TC2N: variants seen among roughly 807,000 people sequenced by gnomAD.
TC2N encodes tandem C2 domains, nuclear, also known as tandem C2 domains nuclear protein.
Under a neutral mutation model 61.9 loss-of-function variants are expected in TC2N, and 51 were observed. The observed-to-expected ratio is 0.82, with a 90% CI of 0.66 to 1.04. The LOEUF is 1.04. TC2N is among the 50% of genes least tolerant of loss of function. The pLI is 0.00. For missense variants in TC2N, 556 were observed against 566.7 expected (o/e 0.98, Z 0.19); for synonymous variants, 204 against 192.6 (o/e 1.06, Z -0.49).
At chr14:91,832,151 G>A (rs1039211068) in intron 1 of TC2N, among the ~76,000 whole-genome samples, 4 of 152,146 alleles carry the variant, frequency 2.6e-5, no homozygotes, top group African/African-American at 9.7e-5. Context: ...CACTTTGGGA[G>A]ACTGAGGCAG....
intron 4 of TC2N, 94 bp from the exon 5 acceptor site, chr14:91,800,466 A>G: frequency 1.6e-6 from 1 of 610,022 alleles, no homozygotes; most frequent in Non-Finnish European, 2.6e-6. Flanking sequence ...ATACATCATG[A>G]ATATTTTGTG....
At chr14:91,864,602 G>A (rs1165534769) in intron 1 of TC2N, among the ~76,000 whole-genome samples, 1 of 152,052 alleles carries the variant, frequency 6.6e-6, no homozygotes, top group Non-Finnish European at 1.5e-5. Flanking sequence ...TTAGAAAAAA[G>A]GAACAGGTTG....
intron 1 of TC2N, among the ~76,000 whole-genome samples, chr14:91,814,743 C>T (rs1886936534): frequency 6.6e-6 from 1 of 151,448 alleles, no homozygotes; most frequent in African/African-American, 2.4e-5. Flanking sequence ...TCAAAGAATA[C>T]AAAATTAGTT....
At chr14:91,842,982 T>C (rs1448726274) in intron 1 of TC2N, among the ~76,000 whole-genome samples, 1 of 152,168 alleles carries the variant, frequency 6.6e-6, no homozygotes, top group Non-Finnish European at 1.5e-5. Context: ...TTCAGCCACA[T>C]GATTTGCTTT....
intron 2 of TC2N, among the ~76,000 whole-genome samples, chr14:91,813,180 G>C (rs1291418236): frequency 6.6e-6 from 1 of 151,762 alleles, no homozygotes; most frequent in African/African-American, 2.4e-5. Context: ...AGGGAGCCAT[G>C]CAATAGAAAA....
intron 1 of TC2N, among the ~76,000 whole-genome samples, chr14:91,831,084 A>T (rs2139894867): frequency 6.6e-6 from 1 of 152,334 alleles, no homozygotes; most frequent in Non-Finnish European, 1.5e-5. Flanking sequence ...AGTAAGACTT[A>T]AAGGCTCCTT....
rs188397813 is a variant in TC2N at position 91,843,970 on chromosome 14, T to C, written c.-57+23292A>G. Among the ~76,000 whole-genome samples the C allele has an allele frequency of 2.9e-3, 445 of 152,268 alleles. 3 individuals are homozygous for C. Among genetic ancestry groups the C allele is most frequent in the Non-Finnish European group, 2.5e-3 (172 of 68,012 alleles). Reference sequence around the variant, plus strand: ...TTCTAGCTTATGAAGGGACTAATGATGTTGGGATAGTTTTTGAGGAAATGT... The same window carrying C: ...TTCTAGCTTATGAAGGGACTAATGACGTTGGGATAGTTTTTGAGGAAATGT... On this transcript the variant is annotated intron_variant, in intron 1 of 11. Transcript: ENST00000435962.
Position 91,803,515 on chromosome 14 carries a change from T to C in TC2N, c.302-1094A>G, listed in dbSNP as rs1022360474. ...TTGCCCAGGCTGGAATGCAGTGGCA[T>C]GATCTCGGCTCACTGAAACCTCCAC... On this transcript the variant is annotated intron_variant, in intron 3 of 11. Coordinates refer to ENST00000435962, the MANE Select transcript of TC2N (RefSeq NM_001128596.3). Among the ~76,000 whole-genome samples, 7 of 152,188 alleles carry C rather than the reference T, an allele frequency of 4.6e-5. No individual in the cohort carries two copies. The East Asian group carries it at 1.4e-3, about 29-fold the overall frequency.
intron 1 of TC2N, among the ~76,000 whole-genome samples, chr14:91,861,473 C>G (rs140976159): frequency 2.0e-5 from 3 of 152,298 alleles, no homozygotes; most frequent in Non-Finnish European, 4.4e-5. Flanking sequence ...CTGGACAGGA[C>G]CTAACCCTGA....
intron 1 of TC2N, among the ~76,000 whole-genome samples, chr14:91,826,617 T>C (rs998702051): frequency 6.6e-6 from 1 of 152,186 alleles, no homozygotes; most frequent in African/African-American, 2.4e-5. Flanking sequence ...ATGTTATATC[T>C]TCTTTCCATC....
intron 1 of TC2N, among the ~76,000 whole-genome samples, chr14:91,817,182 C>T (rs968623878): frequency 2.6e-5 from 4 of 151,808 alleles, no homozygotes; most frequent in Non-Finnish European, 2.9e-5. Flanking sequence ...ATGCTTATAC[C>T]TTTAGGAGTT....
intron 1 of TC2N, among the ~76,000 whole-genome samples, chr14:91,854,927 A>G (rs1346057827): frequency 1.3e-5 from 2 of 152,178 alleles, no homozygotes; most frequent in Non-Finnish European, 2.9e-5. Context: ...CTCCCTTCTG[A>G]GAGGAGGCTG....
At chr14:91,813,906 G>A in intron 1 of TC2N, 81 bp from the exon 2 acceptor site, 1 of 520,028 alleles carries the variant, frequency 1.9e-6, no homozygotes, top group Non-Finnish European at 3.4e-6. Context: ...CACATTATCT[G>A]TCTTTCTAAG....
In TC2N at chr14:91,781,354, T is replaced by A. The variant is rs752859584; in HGVS notation, c.*1746A>T. The A allele has an allele frequency of 1.3e-5, 2 of 152,144 alleles. No individual in the cohort carries two copies. Among genetic ancestry groups the A allele is most frequent in the Non-Finnish European group, 2.9e-5 (2 of 67,984 alleles). 9.4% of individuals were successfully genotyped at this position (152,144 alleles called of 1,614,324 possible). Reference sequence around the variant, plus strand: ...TCATATATTTGTCCTCTAGCATGTATAACACCAAGAGGGGACTCTAATGTA... The same window carrying A: ...TCATATATTTGTCCTCTAGCATGTAAAACACCAAGAGGGGACTCTAATGTA... On this transcript the variant is annotated 3_prime_UTR_variant, in exon 12 of 12. Coordinates refer to ENST00000435962, the MANE Select transcript of TC2N (RefSeq NM_001128596.3).
chr14:91,791,688 T>A (rs1885662420), intron 9 of TC2N, among the ~76,000 whole-genome samples: 1 of 152,130 alleles, frequency 6.6e-6, no homozygotes, highest in African/African-American at 2.4e-5. Context: ...TTCAGGGCAA[T>A]CTCTGATTGA....
At position 91,801,728 on chromosome 14, in the gene TC2N, TTCTTTA is replaced by T. The variant is rs1486482256; in HGVS notation, c.469+520_469+525del. 4.6e-5 allele frequency among the ~76,000 whole-genome samples: 7 copies of T among 152,184 alleles called. No homozygotes were observed. In the East Asian group the frequency reaches 1.3e-3, roughly 29 times the overall value. ...ATAATCTGAAAACAAAACTTCTTTC[TTCTTTA>T]TGTTTTTTCCCTTGTACCTGGTATG... On this transcript the variant is annotated intron_variant, in intron 4 of 11. Transcript: ENST00000435962.
In TC2N at chr14:91,780,485, C is replaced by T. The variant is rs1035527810; in HGVS notation, c.*2615G>A. 1.3e-5 allele frequency: 2 copies of T among 152,184 alleles called. No homozygotes were observed. Among genetic ancestry groups the T allele is most frequent in the Non-Finnish European group, 2.9e-5 (2 of 68,026 alleles). 9.4% of individuals were successfully genotyped at this position (152,184 alleles called of 1,614,324 possible). On this transcript the variant is annotated 3_prime_UTR_variant, in exon 12 of 12. Coordinates refer to ENST00000435962, the MANE Select transcript of TC2N (RefSeq NM_001128596.3). ...TTCAGAGGCCATTTCCCTAGGAGTA[C>T]TGCTTTTAAAAATCATGCAAAACAA...
chr14:91,785,246 T>C lies in TC2N; in HGVS notation c.1278A>G (p.Pro426=), dbSNP rs771276096. The C allele has an allele frequency of 5.0e-6, 8 of 1,613,172 alleles. No homozygotes were observed. The highest frequency in any genetic ancestry group is 5.9e-6 in the Non-Finnish European group (7 of 1,179,372). ...RVKWGETMIF[P]LIQSEKEIVF... ...CAATTTCTTTTTCACTCTGTATAAGTGGAAAAATCATAGTCTCTCCCCACT... is the reference window on the plus strand; with the variant it reads ...CAATTTCTTTTTCACTCTGTATAAGCGGAAAAATCATAGTCTCTCCCCACT... Residue 426 remains proline, a synonymous_variant, in exon 11 of 12, where the codon CCA becomes CCG. Transcript: ENST00000435962.
In TC2N at chr14:91,780,206, T is replaced by C. The variant is rs910153109; in HGVS notation, c.*2894A>G. The C allele has an allele frequency of 6.6e-6, 1 of 152,222 alleles. No individual in the cohort carries two copies. The highest frequency in any genetic ancestry group is 1.5e-5 in the Non-Finnish European group (1 of 68,030). 9.4% of individuals were successfully genotyped at this position (152,222 alleles called of 1,614,324 possible). On this transcript the variant is annotated 3_prime_UTR_variant, in exon 12 of 12. Transcript: ENST00000435962. ...TTTGAAATGTCAATTACTGCTATGCTATCAAAAGCTGACATTTATTACAAA... is the reference window on the plus strand; with the variant it reads ...TTTGAAATGTCAATTACTGCTATGCCATCAAAAGCTGACATTTATTACAAA...
Sources: allele counts gnomAD v4.1 joint callset (sites outside exome capture counted in the v4.1 genomes callset), GRCh38; gene constraint gnomAD v4.1.1; transcripts MANE v1.5; gene names NCBI Gene and HGNC (gene_info 2026-07-23, HGNC 2026-07-21).